TENM2: variants seen among roughly 807,000 people sequenced by gnomAD.
The protein encoded by TENM2 is teneurin-2.
In TENM2, 52 loss-of-function variants were observed where a neutral mutation model predicts 245.2. The observed-to-expected ratio is 0.21, with a 90% CI of 0.17 to 0.27. TENM2 has a LOEUF of 0.27. Among genes scored for constraint, TENM2 ranks in the 10% least tolerant of loss-of-function variants. TENM2 has a pLI of 1.00. For synonymous variants in TENM2, 1,363 were observed against 1,438.9 expected (o/e 0.95, Z 1.19); for missense variants, 3,046 against 3,666.8 (o/e 0.83, Z 4.37).
At chr5:167,532,122 G>A (rs1582307616) in intron 2 of TENM2, among the ~76,000 whole-genome samples, 1 of 152,068 alleles carries the variant, frequency 6.6e-6, no homozygotes, top group African/African-American at 2.4e-5. Flanking sequence ...CCATTTTCAG[G>A]TGAGGAAACT....
chr5:168,262,148 G>A (rs1768248712), exon 29 of TENM2: 1 of 1,613,614 alleles, frequency 6.2e-7, no homozygotes, highest in South Asian at 1.1e-5. Flanking sequence ...CAGCATCCGA[G>A]AGAAAGCAGG....
intron 2 of TENM2, among the ~76,000 whole-genome samples, chr5:167,447,045 T>C (rs544667941): frequency 3.5e-4 from 54 of 152,310 alleles, no homozygotes; most frequent in African/African-American, 1.2e-3. Flanking sequence ...AGTTTTGGAA[T>C]TGGAAGCATT....
intron 2 of TENM2, among the ~76,000 whole-genome samples, chr5:167,398,206 A>G (rs1242576327): frequency 1.3e-5 from 2 of 152,112 alleles, no homozygotes; most frequent in Admixed American, 6.5e-5. Context: ...TTGGAGTCAG[A>G]TAGACAAGTG....
At chr5:167,664,420 T>C (rs910556683) in intron 2 of TENM2, among the ~76,000 whole-genome samples, 5 of 152,196 alleles carry the variant, frequency 3.3e-5, no homozygotes, top group Admixed American at 2.0e-4. Flanking sequence ...CAATTATTCA[T>C]TTTGTTAATG....
intron 14 of TENM2, among the ~76,000 whole-genome samples, 154 bp from the exon 17 acceptor site, chr5:168,195,022 A>G (rs1199118983): frequency 6.6e-6 from 1 of 152,108 alleles, no homozygotes; most frequent in East Asian, 1.9e-4. Context: ...TCACCCCAAA[A>G]TGTCACTAGC....
At chr5:166,994,446 C>A in the TENM2 span, among the ~76,000 whole-genome samples, 37 of 152,216 alleles carry the variant, frequency 2.4e-4, 1 homozygote, top group East Asian at 6.6e-3. Flanking sequence ...CCCTCTGAGC[C>A]AAGTTTATTT....
chr5:167,884,383 A>G (rs573630040), intron 3 of TENM2, among the ~76,000 whole-genome samples: 1 of 152,192 alleles, frequency 6.6e-6, no homozygotes, highest in African/African-American at 2.4e-5. Flanking sequence ...CTCAACAGAA[A>G]CTCTATACCC....
chr5:167,716,330 G>A (rs1031661942), intron 2 of TENM2, among the ~76,000 whole-genome samples: 2 of 152,068 alleles, frequency 1.3e-5, no homozygotes, highest in Admixed American at 1.3e-4. Context: ...TTCATCTCCT[G>A]GAATACCACC....
In TENM2 at chr5:168,204,390, C is replaced by G. The variant is rs369152192; in HGVS notation, c.3593C>G (p.Thr1198Ser). The G allele has an allele frequency of 1.4e-5, 22 of 1,613,740 alleles. No individual in the cohort carries two copies. The African/African-American group carries it at 1.5e-4, about 11-fold the overall frequency. The stretch of plus-strand genomic sequence containing the variant: ...CCCACAGGAATCCTACACAAAGGCA[C>G]TGGGGAAAACCAGTTCCTGACCCAG... The change falls in exon 19 of 29, where the codon ACT becomes AGT. Residue 1198 changes from threonine to serine, a missense_variant. By Grantham distance (58) the Thr-to-Ser change is moderately conservative. This residue lies in a region of TENM2 where 2,704 missense variants were observed against 3,331.9 expected (regional missense o/e 0.81). Transcript: ENST00000518659.
At chr5:167,206,418 A>G in the TENM2 span, among the ~76,000 whole-genome samples, 4 of 152,170 alleles carry the variant, frequency 2.6e-5, no homozygotes, top group African/African-American at 4.8e-5. Context: ...GTAGTTCCCA[A>G]TCCAATGCTA....
chr5:168,072,216 G>A (rs1412876001), intron 7 of TENM2, among the ~76,000 whole-genome samples: 4 of 152,176 alleles, frequency 2.6e-5, no homozygotes, highest in African/African-American at 2.4e-5. Context: ...ACATCAGCAA[G>A]GCACTGAGAG....
At chr5:167,389,923 T>C (rs1033542939) in intron 2 of TENM2, among the ~76,000 whole-genome samples, 4 of 152,182 alleles carry the variant, frequency 2.6e-5, no homozygotes, top group Non-Finnish European at 1.5e-5. Context: ...TTTTATTTCA[T>C]GATTTGTATT....
the TENM2 span, among the ~76,000 whole-genome samples, chr5:167,203,092 G>C: frequency 6.6e-6 from 1 of 152,124 alleles, no homozygotes. Context: ...ACATATTCTT[G>C]CTACCCTACA....
the TENM2 span, among the ~76,000 whole-genome samples, chr5:167,002,046 A>AG: frequency 6.6e-6 from 1 of 152,212 alleles, no homozygotes; most frequent in Non-Finnish European, 1.5e-5. Flanking sequence ...TTGTAACAGT[A>AG]AAATGACAAG....
At chr5:167,753,891 G>T (rs1762115531) in intron 2 of TENM2, among the ~76,000 whole-genome samples, 1 of 152,100 alleles carries the variant, frequency 6.6e-6, no homozygotes, top group Non-Finnish European at 1.5e-5. Flanking sequence ...CCTTCCTGCA[G>T]GTGTGCCAGA....
At chr5:167,896,614 T>A (rs1482773195) in intron 3 of TENM2, among the ~76,000 whole-genome samples, 4 of 152,070 alleles carry the variant, frequency 2.6e-5, no homozygotes, top group Non-Finnish European at 5.9e-5. Context: ...TAAAATCCAA[T>A]ACAAAGGTGG....
At chr5:167,491,418 AT>A (rs1245306573) in intron 2 of TENM2, among the ~76,000 whole-genome samples, 2 of 152,120 alleles carry the variant, frequency 1.3e-5, no homozygotes, top group Admixed American at 6.6e-5. Flanking sequence ...TTATTCACTG[AT>A]CATTCTTTCC....
rs73803829 is a variant in TENM2 at position 168,015,028 on chromosome 5, C to G, written c.1186+21846C>G. 1.2e-3 allele frequency among the ~76,000 whole-genome samples: 183 copies of G among 152,336 alleles called. 1 individual carries two copies. Among genetic ancestry groups the G allele is most frequent in the African/African-American group, 4.1e-3 (172 of 41,578 alleles). On this transcript the variant is annotated intron_variant, in intron 5 of 28. Transcript: ENST00000518659. ...TTGCTTTGGCTAAACAAGCCTGTAA[C>G]TGATCCCTCTTGCTATAAACCAGCC...
At chr5:167,146,689 C>T in the TENM2 span, among the ~76,000 whole-genome samples, 2 of 152,158 alleles carry the variant, frequency 1.3e-5, no homozygotes, top group African/African-American at 2.4e-5. Flanking sequence ...GAATCCCATT[C>T]CGGGGAAGTA....
Sources: allele counts gnomAD v4.1 joint callset (sites outside exome capture counted in the v4.1 genomes callset), GRCh38; gene constraint gnomAD v4.1.1; regional missense constraint gnomAD v4.1.1; transcripts MANE v1.5; gene names NCBI Gene and HGNC (gene_info 2026-07-23, HGNC 2026-07-21).